Variants in LYPLA1 observed in about 807,000 individuals in gnomAD.
LYPLA1 encodes lysophospholipase 1, also known as acyl-protein thioesterase 1.
Under a neutral mutation model 34.0 loss-of-function variants are expected in LYPLA1, and 17 were observed. That is an observed-to-expected ratio of 0.50 (90% CI 0.34 to 0.75). The LOEUF is 0.75. LYPLA1 is among the 30% of genes least tolerant of loss of function. The pLI, the probability that LYPLA1 is intolerant of heterozygous loss-of-function variation, is 0.01. For synonymous variants in LYPLA1, 98 were observed against 100.8 expected (o/e 0.97, Z 0.17); for missense variants, 203 against 288.8 (o/e 0.70, Z 2.15).
At chr8:54,099,619 G>A (rs933761067) in intron 2 of LYPLA1, among the ~76,000 whole-genome samples, 6 of 152,156 alleles carry the variant, frequency 3.9e-5, no homozygotes, top group Non-Finnish European at 7.4e-5. Flanking sequence ...TCAAGATCAC[G>A]CCACTGCCCT....
chr8:54,051,069 A>G lies in LYPLA1; in HGVS notation c.582T>C (p.Asn194=), dbSNP rs1270975661. 3.1e-6 allele frequency: 5 copies of G among 1,613,954 alleles called. 1 individual carries two copies. The South Asian group carries it at 4.4e-5, about 14-fold the overall frequency. Residue 194 remains asparagine, a synonymous_variant, in exon 8 of 9, where the codon AAT becomes AAC. Transcript: ENST00000316963. ...LTVEKLKTLV[N]PANVTFKTYE... is the part of the protein sequence containing the mutation. ...AGGTTTTAAAGGTCACATTGGCTGG[A>G]TTCACCAATGTTTTTAGTTTTTCCA...
chr8:54,075,514 T>C (rs1172047935), intron 2 of LYPLA1, among the ~76,000 whole-genome samples: 1 of 152,194 alleles, frequency 6.6e-6, no homozygotes, highest in Non-Finnish European at 1.5e-5. Context: ...GCCACCCACC[T>C]GGGGACAGAT....
intron 2 of LYPLA1, among the ~76,000 whole-genome samples, chr8:54,094,278 C>A (rs1196941646): frequency 6.6e-6 from 1 of 152,148 alleles, no homozygotes; most frequent in African/African-American, 2.4e-5. Flanking sequence ...AGCTTTCCAC[C>A]AGGCCTTTCC....
intron 5 of LYPLA1, among the ~76,000 whole-genome samples, chr8:54,060,238 G>C (rs568976972): frequency 6.6e-6 from 1 of 152,152 alleles, no homozygotes; most frequent in South Asian, 2.1e-4. Context: ...CAATTCTCCT[G>C]GCTCAGCCTC....
intron 2 of LYPLA1, among the ~76,000 whole-genome samples, chr8:54,094,812 A>T (rs776273888): frequency 3.3e-5 from 5 of 152,236 alleles, no homozygotes; most frequent in African/African-American, 4.8e-5. Context: ...AAAAGACACC[A>T]AGTACCAGCT....
intron 2 of LYPLA1, among the ~76,000 whole-genome samples, chr8:54,075,616 A>G (rs1338184868): frequency 6.6e-6 from 1 of 152,246 alleles, no homozygotes. Flanking sequence ...GATAGTGGTT[A>G]TCACCACTGC....
intron 2 of LYPLA1, chr8:54,100,607 T>C (rs1563684679): frequency 1.1e-5 from 4 of 365,088 alleles, no homozygotes; most frequent in Non-Finnish European, 5.0e-6. Flanking sequence ...AAGCTCTCAA[T>C]TGCACACCGT....
chr8:54,073,627 AG>A, intron 2 of LYPLA1: 1 of 494,194 alleles, frequency 2.0e-6, no homozygotes, highest in Non-Finnish European at 3.7e-6. Context: ...TTTCATGACC[AG>A]TAAAGGCTGC....
intron 5 of LYPLA1, among the ~76,000 whole-genome samples, chr8:54,055,576 C>T (rs1442944954): frequency 6.6e-6 from 1 of 152,008 alleles, no homozygotes; most frequent in African/African-American, 2.4e-5. Flanking sequence ...AAGCAATCTA[C>T]AGATTCAATG....
At chr8:54,055,202 GA>G (rs150962395) in intron 5 of LYPLA1, 69 bp from the exon 6 acceptor site, 17 of 843,840 alleles carry the variant, frequency 2.0e-5, no homozygotes, top group Non-Finnish European at 3.1e-5. Flanking sequence ...TTTAAATTAG[GA>G]AAAAATTAGT....
intron 2 of LYPLA1, among the ~76,000 whole-genome samples, chr8:54,074,505 C>T (rs1350101048): frequency 6.6e-6 from 1 of 152,254 alleles, no homozygotes; most frequent in African/African-American, 2.4e-5. Flanking sequence ...CTTTTTACAT[C>T]ACCCACATTA....
rs112980302 is a variant in LYPLA1 at position 54,056,326 on chromosome 8, C to T, written c.287-1193G>A. 7.5e-3 allele frequency among the ~76,000 whole-genome samples: 1,140 copies of T among 152,270 alleles called. 14 individuals are homozygous for T. The highest frequency in any genetic ancestry group is 0.025 in the African/African-American group (1,054 of 41,568). ...CAATAAACACTTAAATCTAAGATCT[C>T]AAACTATGAAACTACTACGAGAAAA... On this transcript the variant is annotated intron_variant, in intron 5 of 8. Coordinates refer to ENST00000316963, the MANE Select transcript of LYPLA1 (RefSeq NM_006330.4).
intron 2 of LYPLA1, among the ~76,000 whole-genome samples, chr8:54,071,695 TACA>T (rs2129341237): frequency 6.6e-6 from 1 of 152,234 alleles, no homozygotes; most frequent in South Asian, 2.1e-4. Flanking sequence ...GAAAGATCTC[TACA>T]ACAAGAATTA....
chr8:54,095,029 A>G (rs936989791), intron 2 of LYPLA1, among the ~76,000 whole-genome samples: 3 of 152,028 alleles, frequency 2.0e-5, no homozygotes, highest in Non-Finnish European at 4.4e-5. Flanking sequence ...ATCCAGAATA[A>G]AGGAATTTTT....
downstream of LYPLA1, among the ~76,000 whole-genome samples, chr8:54,045,152 G>C (rs1277287128): frequency 2.0e-5 from 3 of 152,170 alleles, no homozygotes; most frequent in Non-Finnish European, 4.4e-5. Context: ...CAAGATGGTT[G>C]ATCAGAGGAC....
intron 2 of LYPLA1, among the ~76,000 whole-genome samples, chr8:54,089,410 T>C (rs1202546139): frequency 6.7e-6 from 1 of 148,596 alleles, no homozygotes; most frequent in African/African-American, 2.5e-5. Flanking sequence ...AATTTATAAA[T>C]TAAACTTTAT....
At chr8:54,094,628 G>T (rs539246587) in intron 2 of LYPLA1, among the ~76,000 whole-genome samples, 1 of 152,158 alleles carries the variant, frequency 6.6e-6, no homozygotes, top group Non-Finnish European at 1.5e-5. Context: ...CACTGCAAGG[G>T]TCTAGATCTG....
intron 2 of LYPLA1, among the ~76,000 whole-genome samples, chr8:54,071,008 A>G (rs940613052): frequency 1.3e-5 from 2 of 152,194 alleles, no homozygotes; most frequent in Non-Finnish European, 2.9e-5. Flanking sequence ...TGGTATATGA[A>G]TTATATGTCA....
rs1185058988 is a variant in LYPLA1, at chr8:54,047,662, T to C, written c.*403A>G. On this transcript the variant is annotated 3_prime_UTR_variant, in exon 9 of 9. Transcript: ENST00000316963. ...ACTAAGCAATTTTGGAATAAATCCA[T>C]AGACTAAGTCACAGCATGCATAAAT... 1 of 158,170 alleles carries C rather than the reference T, an allele frequency of 6.3e-6. No individual in the cohort carries two copies. The highest frequency in any genetic ancestry group is 2.0e-4 in the South Asian group (1 of 4,924). 9.8% of individuals were successfully genotyped at this position (158,170 alleles called of 1,614,324 possible). A position where few individuals can be genotyped will look rare whatever the true frequency, so the allele number is the denominator to read the frequency against.
Sources: gnomAD v4.1 joint callset for allele counts (sites outside exome capture counted in the v4.1 genomes callset) on GRCh38, gnomAD v4.1.1 for gene constraint, MANE v1.5 for transcripts, NCBI Gene and HGNC (gene_info 2026-07-23, HGNC 2026-07-21) for gene names.